PLEKHH1: variants seen among roughly 807,000 people sequenced by gnomAD.
The protein encoded by PLEKHH1 is pleckstrin homology domain-containing family H member 1.
A neutral mutation model predicts 160.0 loss-of-function variants in PLEKHH1; 104 were observed. That is an observed-to-expected ratio of 0.65 (90% CI 0.55 to 0.76). PLEKHH1 has a LOEUF of 0.76. Ranked by LOEUF, PLEKHH1 falls within the 30% of genes least tolerant of loss-of-function variation. The pLI is 0.00. For missense variants in PLEKHH1, 1,427 were observed against 1,724.1 expected, an observed-to-expected ratio of 0.83 and a Z score of 3.05; for synonymous variants, 619 against 678.4, an observed-to-expected ratio of 0.91 and a Z score of 1.36.
Position 67,562,355 on chromosome 14 carries a change from A to G in PLEKHH1, c.724A>G (p.Ser242Gly). 6.2e-7 allele frequency: 1 copy of G among 1,613,834 alleles called. No individual in the cohort carries two copies. Among genetic ancestry groups the G allele is most frequent in the South Asian group, 1.1e-5 (1 of 91,082 alleles). Residue 242 changes from serine to glycine, a missense_variant, in exon 7 of 29, where the codon AGC becomes GGC. Ser to Gly is a moderately conservative substitution (Grantham distance 56). Coordinates refer to ENST00000329153, the MANE Select transcript of PLEKHH1 (RefSeq NM_020715.3). Reference sequence around the variant, plus strand: ...AAGCCCCTTGGAGGATTCTAGTTCCAGCACGGTCCATTCTGGGGAAACAGT... The same window carrying G: ...AAGCCCCTTGGAGGATTCTAGTTCCGGCACGGTCCATTCTGGGGAAACAGT... The part of the protein sequence containing the change: ...AASPLEDSSS[S>G]TVHSGETVEA...
chr14:67,587,006 A>G (rs2036200528), intron 28 of PLEKHH1, 68 bp from the exon 29 acceptor site: 15 of 1,528,042 alleles, frequency 9.8e-6, no homozygotes, highest in Non-Finnish European at 1.3e-5. Flanking sequence ...ATAAGAGCTA[A>G]TAAGTAAGAA....
At chr14:67,581,295 CA>C (rs2035885423) in intron 23 of PLEKHH1, among the ~76,000 whole-genome samples, 6 of 151,862 alleles carry the variant, frequency 4.0e-5, no homozygotes, top group Admixed American at 3.9e-4. Flanking sequence ...CACACACACA[CA>C]CACAAACATC....
chr14:67,551,784 G>T (rs2034401446), intron 2 of PLEKHH1, among the ~76,000 whole-genome samples: 1 of 152,080 alleles, frequency 6.6e-6, no homozygotes, highest in Non-Finnish European at 1.5e-5. Context: ...AGATACTTGG[G>T]AGATCGAGAA....
rs567258423 is a variant in PLEKHH1 at position 67,576,711 on chromosome 14, T to G, written c.2461+208T>G. Among the ~76,000 whole-genome samples, 60 of 152,300 alleles carry G rather than the reference T, an allele frequency of 3.9e-4. No homozygotes were observed. The highest frequency in any genetic ancestry group is 1.4e-3 in the African/African-American group (58 of 41,562). ...CACTCTGCATCTGGGGGAGTTTATCTGGGAAGCAGGCTTTCCAGGGACCTG... is the reference window on the plus strand; with the variant it reads ...CACTCTGCATCTGGGGGAGTTTATCGGGGAAGCAGGCTTTCCAGGGACCTG... On this transcript the variant is annotated intron_variant, in intron 17 of 28. Transcript: ENST00000329153. The surrounding 1 kb of genome is among the most constrained non-coding windows in gnomAD (Gnocchi z 4.0).
chr14:67,549,012 A>C (rs1032508128), intron 2 of PLEKHH1, among the ~76,000 whole-genome samples: 1 of 152,250 alleles, frequency 6.6e-6, no homozygotes, highest in Non-Finnish European at 1.5e-5. Context: ...AGTTCAGCTT[A>C]AGTGCCAGTT....
intron 7 of PLEKHH1, among the ~76,000 whole-genome samples, chr14:67,563,743 T>C (rs1594767568): frequency 6.7e-6 from 1 of 149,864 alleles, no homozygotes; most frequent in East Asian, 2.0e-4. Context: ...TTTTTTTTTT[T>C]TTTTTTTCGA....
At chr14:67,541,132 A>G (rs919209902) in intron 1 of PLEKHH1, among the ~76,000 whole-genome samples, 10 of 152,252 alleles carry the variant, frequency 6.6e-5, no homozygotes, top group African/African-American at 2.4e-4. Context: ...AACAATGGAC[A>G]CAATCCCATC....
At chr14:67,555,477 C>T (rs2034555556) in intron 2 of PLEKHH1, among the ~76,000 whole-genome samples, 1 of 152,092 alleles carries the variant, frequency 6.6e-6, no homozygotes, top group South Asian at 2.1e-4. Context: ...AGGAAAGGGG[C>T]CTCAGGAAGG....
chr14:67,587,410 A>C lies in PLEKHH1; in HGVS notation c.*175A>C. 1 of 694,932 alleles carries C rather than the reference A, an allele frequency of 1.4e-6. No homozygotes were observed. Among genetic ancestry groups the C allele is most frequent in the South Asian group, 1.8e-5 (1 of 55,628 alleles). The allele number at this position is 694,932 out of a possible 1,614,324, so 43.0% of individuals were successfully genotyped here. On this transcript the variant is annotated 3_prime_UTR_variant, in exon 29 of 29. Transcript: ENST00000329153. ...CTCTCTAGGTGCCTTATAATGTTTC[A>C]GGGCTCAACTTTTTAAAATCCAGAC...
intron 5 of PLEKHH1, among the ~76,000 whole-genome samples, chr14:67,561,177 C>G (rs77785584): frequency 1.3e-5 from 2 of 152,174 alleles, no homozygotes; most frequent in Non-Finnish European, 2.9e-5. Flanking sequence ...AGAACTGATG[C>G]CTGGCTTACC....
In PLEKHH1 at chr14:67,573,949, G is replaced by A. The variant is rs753354392; in HGVS notation, c.1926+62G>A. ...AGAGGTGCTGGGTTTGGATATGGCC[G>A]TGAGTGAGACAAAGATGGGGCCAAA... is the stretch of plus-strand genomic sequence containing the variant. On this transcript the variant is annotated intron_variant, in intron 13 of 28. Transcript: ENST00000329153. The surrounding 1 kb of genome is among the most constrained non-coding windows in gnomAD (Gnocchi z 4.8). The A allele has an allele frequency of 9.8e-5, 119 of 1,216,554 alleles. No individual in the cohort carries two copies. The highest frequency in any genetic ancestry group is 2.1e-4 in the African/African-American group (14 of 67,244). The allele number at this position is 1,216,554 out of a possible 1,614,324, so 75.4% of individuals were successfully genotyped here.
At position 67,578,478 on chromosome 14, in the gene PLEKHH1, G is replaced by C; in HGVS notation, c.2752-56G>C. On this transcript the variant is annotated intron_variant, in intron 19 of 28. Coordinates refer to ENST00000329153, the MANE Select transcript of PLEKHH1 (RefSeq NM_020715.3). This position sits in a 1 kb window ranked among gnomAD's most constrained non-coding sequence, Gnocchi z 5.0. ...AAGGCTCTGTAGCTCAGGGCTATGA[G>C]GACAGGTGGTGCTGTAGGCCCAGCA... The C allele has an allele frequency of 8.4e-7, 1 of 1,192,124 alleles. No homozygotes were observed. The highest frequency in any genetic ancestry group is 1.2e-6 in the Non-Finnish European group (1 of 813,450). The allele number at this position is 1,192,124 out of a possible 1,614,324, so 73.8% of individuals were successfully genotyped here.
At chr14:67,552,001 T>C (rs1376116726) in intron 2 of PLEKHH1, among the ~76,000 whole-genome samples, 2 of 152,138 alleles carry the variant, frequency 1.3e-5, no homozygotes, top group African/African-American at 2.4e-5. Context: ...GAGTCCCAGG[T>C]GCTCCTGCCA....
In PLEKHH1 at chr14:67,535,811, T is replaced by C. The variant is rs2140304661; in HGVS notation, c.-35+2413T>C. 1.3e-5 allele frequency among the ~76,000 whole-genome samples: 2 copies of C among 152,366 alleles called. 1 individual carries two copies. The highest frequency in any genetic ancestry group is 4.1e-4 in the South Asian group (2 of 4,826). On this transcript the variant is annotated intron_variant, in intron 1 of 28. Coordinates refer to ENST00000329153, the MANE Select transcript of PLEKHH1 (RefSeq NM_020715.3). ...TGCACCAGGCTTTTGTAATATCTCC[T>C]TTAATTCTCAAAAAGCCCTGCATGA...
intron 7 of PLEKHH1, 139 bp from the exon 8 acceptor site, chr14:67,568,999 T>A: frequency 1.7e-6 from 1 of 599,306 alleles, no homozygotes; most frequent in South Asian, 2.0e-5. Context: ...ATGAAGTAAC[T>A]TGCCCAAGAT....
rs2036009664 is a variant in PLEKHH1 at position 67,583,682 on chromosome 14, C to T, written c.3427-59C>T. On this transcript the variant is annotated intron_variant, in intron 24 of 28. Transcript: ENST00000329153. ...TGGTTTATTTCACCTCTCAACAGCC[C>T]CCACCTGGCCCATCCACTGTCAGAT... 1.8e-5 allele frequency: 25 copies of T among 1,366,352 alleles called. No individual in the cohort carries two copies. In the South Asian group the frequency reaches 3.1e-4, roughly 17 times the overall value. 84.6% of individuals were successfully genotyped at this position (1,366,352 alleles called of 1,614,324 possible).
Position 67,587,115 on chromosome 14 carries a change from T to C in PLEKHH1, c.3975T>C (p.His1325=), listed in dbSNP as rs973626544. 5.0e-6 allele frequency: 8 copies of C among 1,613,626 alleles called. No individual in the cohort carries two copies. Among genetic ancestry groups the C allele is most frequent in the East Asian group, 2.2e-5 (1 of 44,884 alleles). The change falls in exon 29 of 29, where the codon CAT becomes CAC. Residue 1325 remains histidine, a synonymous_variant. Coordinates refer to ENST00000329153, the MANE Select transcript of PLEKHH1 (RefSeq NM_020715.3). ...TCATCATGGCCAGCTATATGAACCA[T>C]TGCACTACAACTGTGAACCCCCCCA... is the stretch of plus-strand genomic sequence containing the variant. ...ATFIMASYMN[H]CTTTVNPPTN... is the part of the protein sequence containing the mutation.
chr14:67,577,273 C>T (rs754391980), intron 17 of PLEKHH1, 29 bp from the exon 18 acceptor site: 1 of 1,460,502 alleles, frequency 6.8e-7, no homozygotes. Context: ...AGTAACTGCC[C>T]TTGCTCTCTG....
chr14:67,586,286 G>A lies in PLEKHH1; in HGVS notation c.3933+189G>A, dbSNP rs564999248. The stretch of plus-strand genomic sequence containing the variant: ...TCTCCGTATCAATGTTCAGCTAGTA[G>A]GTAAAGGGACATATTTGGAGGGAAC... On this transcript the variant is annotated intron_variant, in intron 28 of 28. Coordinates refer to ENST00000329153, the MANE Select transcript of PLEKHH1 (RefSeq NM_020715.3). The A allele has an allele frequency of 1.5e-4, 171 of 1,110,780 alleles. 2 individuals are homozygous for A. In the South Asian group the frequency reaches 2.0e-3, roughly 13 times the overall value. The allele number at this position is 1,110,780 out of a possible 1,614,324, so 68.8% of individuals were successfully genotyped here.
Sources: gnomAD v4.1 joint callset for allele counts (sites outside exome capture counted in the v4.1 genomes callset) on GRCh38, gnomAD v4.1.1 for gene constraint, Gnocchi (gnomAD v3.1) non-coding constraint, MANE v1.5 for transcripts, NCBI Gene and HGNC (gene_info 2026-07-23, HGNC 2026-07-21) for gene names.